TMTC2: variants seen among roughly 807,000 people sequenced by gnomAD.
TMTC2 encodes the protein protein O-mannosyl-transferase TMTC2.
A neutral mutation model predicts 82.4 loss-of-function variants in TMTC2; 43 were observed. The observed-to-expected ratio is 0.52, with a 90% CI of 0.41 to 0.67. TMTC2 has a LOEUF of 0.67. Among genes scored for constraint, TMTC2 ranks in the 30% least tolerant of loss-of-function variants. The probability of loss-of-function intolerance (pLI) is 0.00; values close to 1 mark genes in which losing one functional copy is unlikely to be tolerated. For missense variants in TMTC2, 919 were observed against 1,012.4 expected (o/e 0.91, Z 1.25); for synonymous variants, 408 against 381.9 (o/e 1.07, Z -0.80).
At chr12:82,870,188 T>G (rs1327130128) in intron 2 of TMTC2, among the ~76,000 whole-genome samples, 1 of 152,110 alleles carries the variant, frequency 6.6e-6, no homozygotes, top group Non-Finnish European at 1.5e-5. Context: ...CTCGTGAAAT[T>G]GAGCTGTTGG....
At chr12:82,731,182 A>C (rs1249926802) in intron 1 of TMTC2, among the ~76,000 whole-genome samples, 1 of 152,228 alleles carries the variant, frequency 6.6e-6, no homozygotes, top group African/African-American at 2.4e-5. Context: ...GAGTCTGCAA[A>C]GCATACCACT....
intron 1 of TMTC2, among the ~76,000 whole-genome samples, chr12:82,703,085 T>C (rs1565714296): frequency 6.6e-6 from 1 of 152,096 alleles, no homozygotes; most frequent in Non-Finnish European, 1.5e-5. Context: ...TAGTCCTGGC[T>C]ACTTTGGAGG....
At chr12:83,072,869 T>C (rs185336745) in intron 11 of TMTC2, among the ~76,000 whole-genome samples, 1 of 152,248 alleles carries the variant, frequency 6.6e-6, no homozygotes, top group Non-Finnish European at 1.5e-5. Context: ...TTTTCACCGC[T>C]TTAAGTTTAT....
intron 1 of TMTC2, among the ~76,000 whole-genome samples, chr12:82,830,483 C>T (rs1480699840): frequency 6.6e-6 from 1 of 152,106 alleles, no homozygotes; most frequent in Non-Finnish European, 1.5e-5. Flanking sequence ...ATTAGTAGAA[C>T]ATCAGATATC....
intron 1 of TMTC2, among the ~76,000 whole-genome samples, chr12:82,828,940 T>TA (rs1415500083): frequency 6.6e-6 from 1 of 152,130 alleles, no homozygotes; most frequent in African/African-American, 2.4e-5. Flanking sequence ...GTGCTCTTAG[T>TA]ACCCTTAAAA....
intron 8 of TMTC2, among the ~76,000 whole-genome samples, chr12:83,012,094 A>G (rs1880488906): frequency 6.6e-6 from 1 of 152,112 alleles, no homozygotes. Flanking sequence ...TAAATAGGTC[A>G]CCTACTCTCT....
At chr12:82,849,944 G>A (rs892086968) in intron 1 of TMTC2, among the ~76,000 whole-genome samples, 1 of 152,066 alleles carries the variant, frequency 6.6e-6, no homozygotes, top group East Asian at 1.9e-4. Flanking sequence ...AAAAGAAGAT[G>A]CCTTTTCCTA....
rs574651901 is a variant in TMTC2, at chr12:83,054,317, C to T, written c.2267+3299C>T. Among the ~76,000 whole-genome samples the T allele has an allele frequency of 4.6e-5, 7 of 151,964 alleles. No individual in the cohort carries two copies. In the East Asian group the frequency reaches 1.2e-3, roughly 25 times the overall value. ...AGTAGAAATAGGAACATTATAATGTCGGGAAAAGATTACTAAGAGATTAAT... is the reference window on the plus strand; with the variant it reads ...AGTAGAAATAGGAACATTATAATGTTGGGAAAAGATTACTAAGAGATTAAT... On this transcript the variant is annotated intron_variant, in intron 10 of 11. Coordinates refer to ENST00000321196, the MANE Select transcript of TMTC2 (RefSeq NM_152588.3).
chr12:82,966,217 A>G (rs938967153), intron 6 of TMTC2, among the ~76,000 whole-genome samples: 5 of 152,128 alleles, frequency 3.3e-5, no homozygotes, highest in Admixed American at 2.0e-4. Flanking sequence ...TCTTTAAAAA[A>G]CTATTATGAA....
At chr12:82,729,082 G>A (rs1025278597) in intron 1 of TMTC2, among the ~76,000 whole-genome samples, 7 of 152,362 alleles carry the variant, frequency 4.6e-5, no homozygotes, top group African/African-American at 1.7e-4. Context: ...CAGTCCCATC[G>A]ACCACCCAAG....
chr12:83,111,587 C>CT lies in TMTC2; in HGVS notation c.2332-20615dup, dbSNP rs538578242. On this transcript the variant is annotated intron_variant, in intron 11 of 11. Transcript: ENST00000321196. ...CATATGTTCTGTAAACCCTTCCTTTCTTTTTTTTATTGTTTTTATGTTAAA... is the reference window on the plus strand; with the variant it reads ...CATATGTTCTGTAAACCCTTCCTTTCTTTTTTTTTATTGTTTTTATGTTAAA... Among the ~76,000 whole-genome samples, 246 of 152,026 alleles carry CT rather than the reference C, an allele frequency of 1.6e-3. 1 individual carries two copies. Among genetic ancestry groups the CT allele is most frequent in the African/African-American group, 5.4e-3 (222 of 41,490 alleles).
At chr12:82,773,439 C>T (rs1341212086) in intron 1 of TMTC2, among the ~76,000 whole-genome samples, 1 of 151,080 alleles carries the variant, frequency 6.6e-6, no homozygotes, top group Non-Finnish European at 1.5e-5. Flanking sequence ...AATTCATCCA[C>T]AGCAAAATGA....
At chr12:83,061,735 T>C in intron 10 of TMTC2, 33 bp from the exon 11 acceptor site, 2 of 1,527,152 alleles carry the variant, frequency 1.3e-6, no homozygotes, top group South Asian at 1.3e-5. Flanking sequence ...CTAAAATATA[T>C]GATATAGTTT....
chr12:82,815,567 C>A (rs1268335103), intron 1 of TMTC2, among the ~76,000 whole-genome samples: 1 of 152,020 alleles, frequency 6.6e-6, no homozygotes, highest in Non-Finnish European at 1.5e-5. Flanking sequence ...CCACTTCGGC[C>A]TCCCAAAGTG....
chr12:82,787,898 G>A (rs1473901966), intron 1 of TMTC2, among the ~76,000 whole-genome samples: 1 of 151,880 alleles, frequency 6.6e-6, no homozygotes. Flanking sequence ...GGGTGACAGA[G>A]CAAGACTCCA....
intron 1 of TMTC2, among the ~76,000 whole-genome samples, chr12:82,751,214 A>G (rs1875981424): frequency 6.6e-6 from 1 of 152,234 alleles, no homozygotes; most frequent in Admixed American, 6.5e-5. Flanking sequence ...GCTATAAAAA[A>G]TGATGAGTTC....
chr12:83,004,156 G>T (rs1346964696), intron 8 of TMTC2, among the ~76,000 whole-genome samples: 1 of 152,068 alleles, frequency 6.6e-6, no homozygotes, highest in Non-Finnish European at 1.5e-5. Context: ...TTGCCCTGTT[G>T]TGTTGTTAAT....
At chr12:82,912,750 C>A (rs561576496) in intron 3 of TMTC2, among the ~76,000 whole-genome samples, 14 of 150,564 alleles carry the variant, frequency 9.3e-5, no homozygotes, top group African/African-American at 3.4e-4. Flanking sequence ...CCTGCCTGGG[C>A]AACATGGTGA....
At chr12:82,962,908 TGTAGGA>T (rs1398084484) in intron 4 of TMTC2, among the ~76,000 whole-genome samples, 1 of 151,946 alleles carries the variant, frequency 6.6e-6, no homozygotes, top group Non-Finnish European at 1.5e-5. Context: ...TTTCATTCTG[TGTAGGA>T]GGGTCTCAAG....
Sources: gnomAD v4.1 joint callset for allele counts (sites outside exome capture counted in the v4.1 genomes callset) on GRCh38, gnomAD v4.1.1 for gene constraint, MANE v1.5 for transcripts, NCBI Gene and HGNC (gene_info 2026-07-23, HGNC 2026-07-21) for gene names.